ZBTB47: variants seen among roughly 807,000 people sequenced by gnomAD.
ZBTB47 encodes zinc finger and BTB domain containing 47, also known as zinc finger and BTB domain-containing protein 47.
A neutral mutation model predicts 56.6 loss-of-function variants in ZBTB47; 24 were observed. That is an observed-to-expected ratio of 0.42 (90% CI 0.31 to 0.60). The LOEUF (loss-of-function observed/expected upper bound fraction) is 0.60, where lower values mean the gene tolerates loss of function less well. Ranked by LOEUF, ZBTB47 falls within the 20% of genes least tolerant of loss-of-function variation. The pLI is 0.14. For synonymous variants in ZBTB47, 414 were observed against 418.9 expected, an observed-to-expected ratio of 0.99 and a Z score of 0.14; for missense variants, 829 against 1,032.6, an observed-to-expected ratio of 0.80 and a Z score of 2.70.
rs1710803893 is a variant in ZBTB47 at position 42,667,522 on chromosome 3, G to A, written c.*2924G>A. Among the ~76,000 whole-genome samples, 1 of 152,254 alleles carries A rather than the reference G, an allele frequency of 6.6e-6. No homozygotes were observed. The highest frequency in any genetic ancestry group is 2.4e-5 in the African/African-American group (1 of 41,468). ...CAGGCACCCCACAGCCCCAGAGCAT[G>A]GGGCACAGCAGGCATGCGAGTGAGA... On this transcript the variant is annotated 3_prime_UTR_variant, in exon 6 of 6. Coordinates refer to ENST00000232974, the MANE Select transcript of ZBTB47 (RefSeq NM_145166.4).
In ZBTB47 at chr3:42,663,806, G is replaced by C; in HGVS notation, c.1747G>C (p.Glu583Gln). The C allele has an allele frequency of 6.2e-7, 1 of 1,612,794 alleles. No individual in the cohort carries two copies. The highest frequency in any genetic ancestry group is 8.5e-7 in the Non-Finnish European group (1 of 1,179,392). ...CAAACCCCACCCCCAGAACTGCAAT[G>C]AGCGCTTCCAGTACAAGTACCAGCT... ...EKPFRCENCN[E>Q]RFQYKYQLRS... is the part of the protein sequence containing the mutation. Residue 583 changes from glutamate (E) to glutamine (Q), a missense_variant, in exon 5 of 6, where the codon GAG becomes CAG. Physicochemically the swap from Glu to Gln is conservative, Grantham distance 29. This residue lies in a region of ZBTB47 where 187 missense variants were observed against 253.1 expected (regional missense o/e 0.74). Coordinates refer to ENST00000232974, the MANE Select transcript of ZBTB47 (RefSeq NM_145166.4). The surrounding 1 kb of genome is among the most constrained non-coding windows in gnomAD (Gnocchi z 5.1).
At position 42,665,768 on chromosome 3, in the gene ZBTB47, G is replaced by C. The variant is rs878897099; in HGVS notation, c.*1170G>C. The stretch of plus-strand genomic sequence containing the variant: ...GCCTGCATGTTCAGGCCCCTCGGGG[G>C]ATTGGGGGGACTGGGGAGGCGCAGC... On this transcript the variant is annotated 3_prime_UTR_variant, in exon 6 of 6. Transcript: ENST00000232974. 2 of 152,840 alleles carry C rather than the reference G, an allele frequency of 1.3e-5. No individual in the cohort carries two copies. Among genetic ancestry groups the C allele is most frequent in the South Asian group, 4.1e-4 (2 of 4,828 alleles). The allele number at this position is 152,840 out of a possible 1,614,324, so 9.5% of individuals were successfully genotyped here.
chr3:42,659,363 G>T lies in ZBTB47; in HGVS notation c.1008G>T (p.Gly336=). 1 of 1,303,078 alleles carries T rather than the reference G, an allele frequency of 7.7e-7. No homozygotes were observed. The highest frequency in any genetic ancestry group is 1.5e-5 in the African/African-American group (1 of 64,856). The allele number at this position is 1,303,078 out of a possible 1,614,324, so 80.7% of individuals were successfully genotyped here. ...EEEEEEEEEE[G]PSEQDQESSE... Reference sequence around the variant, plus strand: ...AAGAGGAGGAGGAAGAGGAGGAAGGGCCTAGTGAGCAGGATCAAGAGAGCT... The same window carrying T: ...AAGAGGAGGAGGAAGAGGAGGAAGGTCCTAGTGAGCAGGATCAAGAGAGCT... Residue 336 remains glycine, a synonymous_variant, in exon 2 of 6, where the codon GGG becomes GGT. Transcript: ENST00000232974.
rs1457036621 is a variant in ZBTB47, at chr3:42,658,674, G to A, written c.319G>A (p.Glu107Lys). Residue 107 changes from glutamate (E) to lysine (K), a missense_variant, in exon 2 of 6, where the codon GAG becomes AAG. This residue lies in a region of ZBTB47 where 120 missense variants were observed against 200.2 expected (regional missense o/e 0.60). Coordinates refer to ENST00000232974, the MANE Select transcript of ZBTB47 (RefSeq NM_145166.4). Reference protein sequence around the residue: ...QMADIAASCQELLDARSLGPP... With the variant: ...QMADIAASCQKLLDARSLGPP... Reference sequence around the variant, plus strand: ...GGCTGACATCGCTGCGTCCTGCCAAGAGCTGCTGGACGCCCGCTCTCTAGG... The same window carrying A: ...GGCTGACATCGCTGCGTCCTGCCAAAAGCTGCTGGACGCCCGCTCTCTAGG... 3.3e-6 allele frequency: 5 copies of A among 1,536,484 alleles called. No homozygotes were observed. The East Asian group carries it at 7.3e-5, about 23-fold the overall frequency.
chr3:42,657,393 G>A (rs1710650701), intron 1 of ZBTB47, among the ~76,000 whole-genome samples: 1 of 152,216 alleles, frequency 6.6e-6, no homozygotes, highest in African/African-American at 2.4e-5. Context: ...CAGGCCTTGG[G>A]GGCCTCCTGC....
chr3:42,655,769 C>T (rs1710634511), intron 1 of ZBTB47, among the ~76,000 whole-genome samples: 1 of 152,194 alleles, frequency 6.6e-6, no homozygotes, highest in Admixed American at 6.5e-5. Flanking sequence ...ATCTCTGTGC[C>T]CAGTCAAGAG....
At chr3:42,658,185 GA>G in intron 1 of ZBTB47, 89 bp from the exon 2 acceptor site, 1 of 1,356,792 alleles carries the variant, frequency 7.4e-7, no homozygotes, top group African/African-American at 1.5e-5. Flanking sequence ...CTGCCTCCTG[GA>G]TGGCTGGCAA....
At chr3:42,662,976 C>A (rs1710739160) in intron 3 of ZBTB47, 36 bp from the exon 4 acceptor site, 3 of 1,530,114 alleles carry the variant, frequency 2.0e-6, no homozygotes, top group Non-Finnish European at 2.7e-6. Context: ...TTGGGCAGGC[C>A]CGTAAAACAT....
intron 2 of ZBTB47, among the ~76,000 whole-genome samples, 191 bp from the exon 3 acceptor site, chr3:42,661,294 G>A (rs1046790466): frequency 6.6e-6 from 1 of 152,202 alleles, no homozygotes; most frequent in South Asian, 2.1e-4. Context: ...ACACCAGGCT[G>A]TGTGTTTGGG....
Position 42,667,492 on chromosome 3 carries a change from G to A in ZBTB47, c.*2894G>A, listed in dbSNP as rs916606611. Among the ~76,000 whole-genome samples, 3 of 152,254 alleles carry A rather than the reference G, an allele frequency of 2.0e-5. No homozygotes were observed. The highest frequency in any genetic ancestry group is 7.2e-5 in the African/African-American group (3 of 41,472). On this transcript the variant is annotated 3_prime_UTR_variant, in exon 6 of 6. Coordinates refer to ENST00000232974, the MANE Select transcript of ZBTB47 (RefSeq NM_145166.4). ...GTGTTGAGACCATTGACAACTGCTC[G>A]TGTACAGGCACCCCACAGCCCCAGA...
rs1438820408 is a variant in ZBTB47, at chr3:42,659,115, A to G, written c.760A>G (p.Lys254Glu). The change falls in exon 2 of 6, where the codon AAG (lysine) becomes GAG (glutamate). Residue 254 changes from lysine to glutamate, a missense_variant. Physicochemically the swap from Lys to Glu is moderately conservative, Grantham distance 56. Coordinates refer to ENST00000232974, the MANE Select transcript of ZBTB47 (RefSeq NM_145166.4). Reference sequence around the variant, plus strand: ...GCACGTGTCCACGGGGCCAGAGGGGAAGCCAGGTGCCGGGCCAAGCCCAGC... The same window carrying G: ...GCACGTGTCCACGGGGCCAGAGGGGGAGCCAGGTGCCGGGCCAAGCCCAGC... ...TLHVSTGPEGKPGAGPSPATV... is the reference protein window; with the variant it reads ...TLHVSTGPEGEPGAGPSPATV... The G allele has an allele frequency of 1.3e-6, 2 of 1,497,668 alleles. No individual in the cohort carries two copies. Among genetic ancestry groups the G allele is most frequent in the African/African-American group, 2.8e-5 (2 of 71,994 alleles). 92.8% of individuals were successfully genotyped at this position (1,497,668 alleles called of 1,614,324 possible). A position where few individuals can be genotyped will look rare whatever the true frequency, so the allele number is the denominator to read the frequency against.
Position 42,654,639 on chromosome 3 carries a change from G to A in ZBTB47, c.-82+756G>A, listed in dbSNP as rs1391505399. ...TTCATGGAGCGGCCCTGGCCTGGCC[G>A]CCGGGGGCAGCGCGATCCCGCGGGG... On this transcript the variant is annotated intron_variant, in intron 1 of 5. Coordinates refer to ENST00000232974, the MANE Select transcript of ZBTB47 (RefSeq NM_145166.4). The surrounding 1 kb of genome is among the most constrained non-coding windows in gnomAD (Gnocchi z 5.0). 2 of 983,900 alleles carry A rather than the reference G, an allele frequency of 2.0e-6. No homozygotes were observed. Among genetic ancestry groups the A allele is most frequent in the Non-Finnish European group, 2.4e-6 (2 of 829,128 alleles). The allele number at this position is 983,900 out of a possible 1,614,324, so 60.9% of individuals were successfully genotyped here. A position where few individuals can be genotyped will look rare whatever the true frequency, so the allele number is the denominator to read the frequency against.
Position 42,659,168 on chromosome 3 carries a change from G to A in ZBTB47, c.813G>A (p.Gly271=). ...CCGTGGTTCTGGGCCGGGAGGACGG[G>A]CTGCAGAGACACTCGGACGAGGAGG... is the stretch of plus-strand genomic sequence containing the variant. ...PATVVLGRED[G]LQRHSDEEEE... is the part of the protein sequence containing the mutation. Residue 271 remains glycine (G), a synonymous_variant, in exon 2 of 6, where the codon GGG becomes GGA. Transcript: ENST00000232974. 1 of 1,521,324 alleles carries A rather than the reference G, an allele frequency of 6.6e-7. No individual in the cohort carries two copies. Among genetic ancestry groups the A allele is most frequent in the Non-Finnish European group, 8.8e-7 (1 of 1,138,976 alleles). 94.2% of individuals were successfully genotyped at this position (1,521,324 alleles called of 1,614,324 possible).
Position 42,664,631 on chromosome 3 carries a change from C to T in ZBTB47, c.*33C>T, listed in dbSNP as rs1007058066. ...GCTGCACCCGTGCACCCGCTGGGGC[C>T]TGGAGTCAGGGCCCACTCCAGGAGG... On this transcript the variant is annotated 3_prime_UTR_variant, in exon 6 of 6. Transcript: ENST00000232974. 3 of 1,395,996 alleles carry T rather than the reference C, an allele frequency of 2.1e-6. No homozygotes were observed. The highest frequency in any genetic ancestry group is 2.8e-6 in the Non-Finnish European group (3 of 1,087,424). 86.5% of individuals were successfully genotyped at this position (1,395,996 alleles called of 1,614,324 possible).
At chr3:42,662,791 C>T (rs573550333) in intron 3 of ZBTB47, among the ~76,000 whole-genome samples, 58 of 152,322 alleles carry the variant, frequency 3.8e-4, no homozygotes, top group African/African-American at 1.4e-3. Context: ...AACCACAGAG[C>T]CCCAGCATGT....
At chr3:42,664,017 T>A (rs1181536747) in intron 5 of ZBTB47, 76 bp downstream of exon 5, 2 of 1,521,638 alleles carry the variant, frequency 1.3e-6, no homozygotes, top group African/African-American at 2.7e-5. Flanking sequence ...ACACCTGGAA[T>A]AATCTTGGCC....
At chr3:42,661,732 G>T in intron 3 of ZBTB47, 100 bp downstream of exon 3, 2 of 1,478,072 alleles carry the variant, frequency 1.4e-6, no homozygotes, top group South Asian at 2.7e-5. Context: ...AATGTGAAGG[G>T]GTGAGGAGGC....
chr3:42,658,232 G>T, intron 1 of ZBTB47, 43 bp from the exon 2 acceptor site: 4 of 1,436,124 alleles, frequency 2.8e-6, no homozygotes, highest in Non-Finnish European at 3.6e-6. Context: ...GCGGGCAGGG[G>T]CCCACTGGCC....
Position 42,658,404 on chromosome 3 carries a change from G to A in ZBTB47, c.49G>A (p.Val17Met), listed in dbSNP as rs1165459743. ...QRLFQPDLCD[V>M]DLVLVPQRSV... ...CCTCTTCCAGCCTGACCTCTGCGAC[G>A]TGGACTTGGTGCTGGTGCCCCAGCG... is the stretch of plus-strand genomic sequence containing the variant. Residue 17 changes from valine to methionine, a missense_variant, in exon 2 of 6, where the codon GTG becomes ATG. Physicochemically the swap from Val to Met is conservative, Grantham distance 21. Around this residue, in one of 6 missense-constraint regions of ZBTB47, gnomAD observed 120 missense variants for 200.2 expected, o/e 0.60. Transcript: ENST00000232974. 3.9e-6 allele frequency: 6 copies of A among 1,536,942 alleles called. No homozygotes were observed. Among genetic ancestry groups the A allele is most frequent in the Non-Finnish European group, 4.4e-6 (5 of 1,146,900 alleles).
Sources: gnomAD v4.1 joint callset for allele counts (sites outside exome capture counted in the v4.1 genomes callset) on GRCh38, gnomAD v4.1.1 for gene constraint, gnomAD v4.1.1 regional missense constraint, Gnocchi (gnomAD v3.1) non-coding constraint, MANE v1.5 for transcripts, NCBI Gene and HGNC (gene_info 2026-07-23, HGNC 2026-07-21) for gene names.